The following WWTR1 variants were observed in gnomAD, a reference collection of about 807,000 sequenced individuals.
WWTR1 encodes WW domain containing transcription regulator 1.
A neutral mutation model predicts 40.1 loss-of-function variants in WWTR1; 13 were observed. The observed-to-expected ratio is 0.32, with a 90% confidence interval of 0.21 to 0.52. The LOEUF is 0.52. Among genes scored for constraint, WWTR1 ranks in the 20% least tolerant of loss-of-function variants. The probability of loss-of-function intolerance (pLI) is 0.97; values close to 1 mark genes in which losing one functional copy is unlikely to be tolerated. For missense variants in WWTR1, 436 were observed against 523.1 expected (o/e 0.83, Z 1.63); for synonymous variants, 230 against 210.1 (o/e 1.09, Z -0.82).
intron 2 of WWTR1, among the ~76,000 whole-genome samples, chr3:149,574,919 A>AC (rs1737812438): frequency 1.3e-5 from 2 of 152,148 alleles, no homozygotes; most frequent in South Asian, 2.1e-4. Context: ...ACATGGTGAA[A>AC]CCCCAGCTCT....
chr3:149,573,146 G>C (rs1388956095), intron 2 of WWTR1, 146 bp from the exon 3 acceptor site: 10 of 897,954 alleles, frequency 1.1e-5, no homozygotes, highest in Non-Finnish European at 1.5e-5. Flanking sequence ...TTCATCCAAG[G>C]ACATACTTGC....
In WWTR1 at chr3:149,552,963, T is replaced by G. The variant is rs1382837865; in HGVS notation, c.569-10426A>C. ...TTTCCCTTCAGGCATTTCTCAAGTG[T>G]CATGCTGAAACTTTAAACAAATGTT... On this transcript the variant is annotated intron_variant, in intron 3 of 6. Coordinates refer to ENST00000360632, the MANE Select transcript of WWTR1 (RefSeq NM_015472.6). Among the ~76,000 whole-genome samples the G allele has an allele frequency of 2.0e-5, 3 of 152,188 alleles. No homozygotes were observed. The East Asian group carries it at 5.8e-4, about 29-fold the overall frequency.
intron 3 of WWTR1, among the ~76,000 whole-genome samples, chr3:149,560,752 A>G (rs1737046496): frequency 6.6e-6 from 1 of 152,162 alleles, no homozygotes. Context: ...TAATACTGAA[A>G]AGGAAAAGGA....
intron 1 of WWTR1, among the ~76,000 whole-genome samples, chr3:149,688,261 T>C (rs1265901228): frequency 6.6e-6 from 1 of 151,982 alleles, no homozygotes; most frequent in Admixed American, 6.6e-5. Flanking sequence ...TCTTGACTAA[T>C]GAGCCCTTAG....
chr3:149,636,947 G>C (rs1711850569), intron 2 of WWTR1, among the ~76,000 whole-genome samples: 1 of 108,916 alleles, frequency 9.2e-6, no homozygotes, highest in Non-Finnish European at 1.7e-5. Context: ...CTGGGCGACA[G>C]AGCAAGACTG....
Position 149,520,981 on chromosome 3 carries a change from C to T in WWTR1, c.1027G>A (p.Ala343Thr), listed in dbSNP as rs188215356. 30 of 1,592,278 alleles carry T rather than the reference C, an allele frequency of 1.9e-5. No homozygotes were observed. The highest frequency in any genetic ancestry group is 1.3e-4 in the Admixed American group (7 of 54,390). The change falls in exon 7 of 7, where the codon GCA becomes ACA. Residue 343 changes from alanine (A) to threonine (T), a missense_variant. Ala to Thr is a moderately conservative substitution (Grantham distance 58). Coordinates refer to ENST00000360632, the MANE Select transcript of WWTR1 (RefSeq NM_015472.6). ...NVDEMDTGEN[A>T]GQTPMNINPQ... ...TTGATGTTCATGGGTGTTTGTCCTG[C>T]GTTTTCTCCTATAACAAAATGAAAA...
At chr3:149,523,654 G>A (rs1735163580) in intron 6 of WWTR1, among the ~76,000 whole-genome samples, 1 of 152,170 alleles carries the variant, frequency 6.6e-6, no homozygotes, top group African/African-American at 2.4e-5. Flanking sequence ...TTCGCACCAA[G>A]CCCAGCTGTT....
chr3:149,660,936 T>G (rs758751832), upstream of WWTR1, among the ~76,000 whole-genome samples: 1 of 152,268 alleles, frequency 6.6e-6, no homozygotes, highest in African/African-American at 2.4e-5. Flanking sequence ...TGCCTTTCAA[T>G]GGCCCAGCCT....
intron 2 of WWTR1, among the ~76,000 whole-genome samples, chr3:149,645,322 G>A (rs1003844112): frequency 7.3e-5 from 11 of 151,504 alleles, no homozygotes; most frequent in Non-Finnish European, 8.8e-5. Flanking sequence ...CTCGTGATCT[G>A]CCCGCCTCGG....
At chr3:149,676,728 C>G (rs1031304822) in intron 1 of WWTR1, among the ~76,000 whole-genome samples, 21 of 152,054 alleles carry the variant, frequency 1.4e-4, no homozygotes, top group African/African-American at 5.1e-4. Flanking sequence ...GCCCTGCTTG[C>G]CACACACCAC....
chr3:149,614,624 A>C lies in WWTR1; in HGVS notation c.432-41624T>G, dbSNP rs560305964. Among the ~76,000 whole-genome samples, 140 of 152,216 alleles carry C rather than the reference A, an allele frequency of 9.2e-4. 1 individual carries two copies. The highest frequency in any genetic ancestry group is 1.8e-3 in the Non-Finnish European group (124 of 68,034). On this transcript the variant is annotated intron_variant, in intron 2 of 6. Coordinates refer to ENST00000360632, the MANE Select transcript of WWTR1 (RefSeq NM_015472.6). ...TTCTACATCTTCCTCCAAAATCATT[A>C]AGGCTCTTTTGACCTAAGAAGTCTC...
At chr3:149,719,239 G>A (rs563692923) in intron 4 of WWTR1, among the ~76,000 whole-genome samples, 2 of 151,222 alleles carry the variant, frequency 1.3e-5, no homozygotes, top group South Asian at 4.2e-4. Context: ...CATCATCTTG[G>A]GGCTCACTGC....
Position 149,583,705 on chromosome 3 carries a change from G to A in WWTR1, c.432-10705C>T, listed in dbSNP as rs78868068. 7.9e-5 allele frequency among the ~76,000 whole-genome samples: 12 copies of A among 152,198 alleles called. No homozygotes were observed. The East Asian group carries it at 1.9e-3, about 24-fold the overall frequency. On this transcript the variant is annotated intron_variant, in intron 2 of 6. Transcript: ENST00000360632. ...GATGCTGTACCCAAATATGTATGTC[G>A]GGATTTGCTAGGCACTCAGTGATGA...
At chr3:149,538,140 G>A (rs1735917826) in intron 4 of WWTR1, among the ~76,000 whole-genome samples, 1 of 152,042 alleles carries the variant, frequency 6.6e-6, no homozygotes. Context: ...GGCTGGTCTC[G>A]AACTCCTGAC....
At chr3:149,620,855 G>A (rs1185756124) in intron 2 of WWTR1, among the ~76,000 whole-genome samples, 1 of 152,174 alleles carries the variant, frequency 6.6e-6, no homozygotes, top group Admixed American at 6.5e-5. Context: ...ACACACATCA[G>A]CCTTTACACA....
At chr3:149,566,021 G>C (rs1230268716) in intron 3 of WWTR1, among the ~76,000 whole-genome samples, 1 of 149,682 alleles carries the variant, frequency 6.7e-6, no homozygotes, top group Non-Finnish European at 1.5e-5. Flanking sequence ...TTTGACAATA[G>C]ATAGCTTCCT....
intron 2 of WWTR1, among the ~76,000 whole-genome samples, chr3:149,669,339 G>C (rs1713974203): frequency 6.6e-6 from 1 of 152,146 alleles, no homozygotes; most frequent in African/African-American, 2.4e-5. Flanking sequence ...CTGCAGCCTG[G>C]GCAGCAGTGG....
At position 149,656,986 on chromosome 3, in the gene WWTR1, C is replaced by G; in HGVS notation, c.321G>C (p.Ala107=). The G allele has an allele frequency of 6.3e-7, 1 of 1,599,496 alleles. No individual in the cohort carries two copies. The stretch of plus-strand genomic sequence containing the variant: ...GCTGGCGGAGGTGCGCGTGCTGCTG[C>G]GCGGGGCTACCCGCAGCACCCGCGC... ...GTGAGAAGSP[A]QQHAHLRQQS... is the part of the protein sequence containing the mutation. Residue 107 remains alanine, a synonymous_variant, in exon 2 of 7, where the codon GCG becomes GCC. Transcript: ENST00000360632.
chr3:149,538,105 A>G (rs1735916330), intron 4 of WWTR1, among the ~76,000 whole-genome samples: 2 of 152,084 alleles, frequency 1.3e-5, no homozygotes, highest in Admixed American at 6.5e-5. Flanking sequence ...TTTTTACTAG[A>G]GACAGGGTTT....
Sources: gnomAD v4.1 joint callset for allele counts (sites outside exome capture counted in the v4.1 genomes callset) on GRCh38, gnomAD v4.1.1 for gene constraint, MANE v1.5 for transcripts, NCBI Gene and HGNC (gene_info 2026-07-23, HGNC 2026-07-21) for gene names.